The following CD68 variants were observed in gnomAD, a reference collection of about 807,000 sequenced individuals.
CD68 encodes the protein macrosialin.
A neutral mutation model predicts 31.3 loss-of-function variants in CD68; 24 were observed. The ratio of observed to expected loss-of-function variants is 0.77; its 90% CI spans 0.55 to 1.08. The LOEUF is 1.08. CD68 is among the 50% of genes least tolerant of loss of function. The pLI, the probability that CD68 is intolerant of heterozygous loss-of-function variation, is 0.00. For missense variants in CD68, 461 were observed against 442.5 expected, an observed-to-expected ratio of 1.04 and a Z score of -0.38; for synonymous variants, 190 against 179.6, an observed-to-expected ratio of 1.06 and a Z score of -0.46.
chr17:7,579,876 C>T lies in CD68; in HGVS notation c.116C>T (p.Thr39Ile), dbSNP rs1159772906. Reference sequence around the variant, plus strand: ...ACTTTGCTGCCATCCTTCACGGTGACACCCACGGTTACAGAGAGCACTGGA... The same window carrying T: ...ACTTTGCTGCCATCCTTCACGGTGATACCCACGGTTACAGAGAGCACTGGA... ...SATLLPSFTV[T>I]PTVTESTGTT... Residue 39 changes from threonine to isoleucine, a missense_variant, in exon 2 of 6, where the codon ACA becomes ATA. Coordinates refer to ENST00000250092, the MANE Select transcript of CD68 (RefSeq NM_001251.3). 3 of 1,613,922 alleles carry T rather than the reference C, an allele frequency of 1.9e-6. No individual in the cohort carries two copies. Among genetic ancestry groups the T allele is most frequent in the Admixed American group, 1.7e-5 (1 of 59,982 alleles).
chr17:7,579,764 G>GA, intron 1 of CD68, 38 bp downstream of exon 1: 1 of 1,603,202 alleles, frequency 6.2e-7, no homozygotes, highest in South Asian at 1.1e-5. Context: ...GGGCCCCTGG[G>GA]AGGGAGCCTG....
chr17:7,581,390 C>G lies in CD68; in HGVS notation c.944C>G (p.Pro315Arg). The G allele has an allele frequency of 1.9e-6, 3 of 1,614,160 alleles. No homozygotes were observed. Among genetic ancestry groups the G allele is most frequent in the Non-Finnish European group, 2.5e-6 (3 of 1,180,030 alleles). Residue 315 changes from proline to arginine, a missense_variant, in exon 6 of 6, where the codon CCC becomes CGC. Transcript: ENST00000250092. ...ATCCTTCCGCCAGGTTTCTCCTGCC[C>G]CAGTGACCGGTCCATCTTGCTGCCT... ...TGVFGQSFSC[P>R]SDRSILLPLI... is the part of the protein sequence containing the mutation.
Position 7,579,639 on chromosome 17 carries a change from C to T in CD68, c.-39C>T, listed in dbSNP as rs758679388. 33 of 1,587,528 alleles carry T rather than the reference C, an allele frequency of 2.1e-5. No homozygotes were observed. The highest frequency in any genetic ancestry group is 3.4e-6 in the Non-Finnish European group (4 of 1,167,322). On this transcript the variant is annotated 5_prime_UTR_variant, in exon 1 of 6. Transcript: ENST00000250092. ...AGGGAGCAGGGTTGAGCAACTGGTGCAGACAGCCTAGCTGGACTTTGGGTG... is the reference window on the plus strand; with the variant it reads ...AGGGAGCAGGGTTGAGCAACTGGTGTAGACAGCCTAGCTGGACTTTGGGTG...
In CD68 at chr17:7,580,067, G is replaced by A. The variant is rs2071463694; in HGVS notation, c.307G>A (p.Gly103Arg). 6 of 1,613,994 alleles carry A rather than the reference G, an allele frequency of 3.7e-6. No individual in the cohort carries two copies. The highest frequency in any genetic ancestry group is 5.1e-6 in the Non-Finnish European group (6 of 1,179,980). ...AAGCAATAGCACTGCCACCAGCCAG[G>A]GACCCTCAACTGCCACTCACAGTCC... ...PTSNSTATSQGPSTATHSPAT... is the reference protein window; with the variant it reads ...PTSNSTATSQRPSTATHSPAT... Residue 103 changes from glycine to arginine, a missense_variant, in exon 2 of 6, where the codon GGA becomes AGA. Coordinates refer to ENST00000250092, the MANE Select transcript of CD68 (RefSeq NM_001251.3). The surrounding 1 kb of genome is among the most constrained non-coding windows in gnomAD (Gnocchi z 4.3).
In CD68 at chr17:7,580,439, T is replaced by C. The variant is rs2071469303; in HGVS notation, c.568-27T>C. On this transcript the variant is annotated intron_variant, in intron 2 of 5. Coordinates refer to ENST00000250092, the MANE Select transcript of CD68 (RefSeq NM_001251.3). The surrounding 1 kb of genome is among the most constrained non-coding windows in gnomAD (Gnocchi z 4.3). The stretch of plus-strand genomic sequence containing the variant: ...TTGGCCGGCATCGCATGCAGTCTTG[T>C]GACCTTCCAGTCTTTAACTTCCGCA... 1.2e-6 allele frequency: 2 copies of C among 1,613,778 alleles called. No individual in the cohort carries two copies. The highest frequency in any genetic ancestry group is 8.5e-7 in the Non-Finnish European group (1 of 1,179,892).
chr17:7,581,274 C>T, intron 5 of CD68, 104 bp from the exon 6 acceptor site: 1 of 1,400,986 alleles, frequency 7.1e-7, no homozygotes, highest in Non-Finnish European at 1.0e-6. Context: ...GCGGTGAGCT[C>T]CTCACCAATC....
At position 7,579,980 on chromosome 17, in the gene CD68, C is replaced by A. The variant is rs777785825; in HGVS notation, c.220C>A (p.Pro74Thr). The A allele has an allele frequency of 6.2e-7, 1 of 1,609,004 alleles. No individual in the cohort carries two copies. The highest frequency in any genetic ancestry group is 8.5e-7 in the Non-Finnish European group (1 of 1,175,914). ...CACCACAGGCACCACCAGCCACGGA[C>A]CCACGACTGCCACTCACAACCCCAC... ...TTTTGTTSHG[P>T]TTATHNPTTT... Residue 74 changes from proline (P) to threonine (T), a missense_variant, in exon 2 of 6, where the codon CCC becomes ACC. Coordinates refer to ENST00000250092, the MANE Select transcript of CD68 (RefSeq NM_001251.3).
In CD68 at chr17:7,579,872, G is replaced by T. The variant is rs752942504; in HGVS notation, c.112G>T (p.Val38Leu). 3 of 1,613,838 alleles carry T rather than the reference G, an allele frequency of 1.9e-6. No individual in the cohort carries two copies. The highest frequency in any genetic ancestry group is 1.7e-6 in the Non-Finnish European group (2 of 1,179,988). Reference sequence around the variant, plus strand: ...AGCTACTTTGCTGCCATCCTTCACGGTGACACCCACGGTTACAGAGAGCAC... The same window carrying T: ...AGCTACTTTGCTGCCATCCTTCACGTTGACACCCACGGTTACAGAGAGCAC... ...KSATLLPSFT[V>L]TPTVTESTGT... is the part of the protein sequence containing the mutation. The change falls in exon 2 of 6, where the codon GTG becomes TTG. Residue 38 changes from valine (V) to leucine (L), a missense_variant. Physicochemically the swap from Val to Leu is conservative, Grantham distance 32. Transcript: ENST00000250092.
At position 7,580,071 on chromosome 17, in the gene CD68, C is replaced by A. The variant is rs1343936950; in HGVS notation, c.311C>A (p.Pro104His). The change falls in exon 2 of 6, where the codon CCC (proline) becomes CAC (histidine). Residue 104 changes from proline (P) to histidine (H), a missense_variant. Coordinates refer to ENST00000250092, the MANE Select transcript of CD68 (RefSeq NM_001251.3). This position sits in a 1 kb window ranked among gnomAD's most constrained non-coding sequence, Gnocchi z 4.3. ...AATAGCACTGCCACCAGCCAGGGAC[C>A]CTCAACTGCCACTCACAGTCCTGCC... ...TSNSTATSQGPSTATHSPATT... is the reference protein window; with the variant it reads ...TSNSTATSQGHSTATHSPATT... The A allele has an allele frequency of 6.2e-7, 1 of 1,613,976 alleles. No homozygotes were observed. Among genetic ancestry groups the A allele is most frequent in the East Asian group, 2.2e-5 (1 of 44,882 alleles).
rs2071461075 is a variant in CD68, at chr17:7,579,925, G to GAGCCACAAAACCACCACTCAC, written c.168_188dup (p.Ser56_His62dup). 4 of 1,613,852 alleles carry GAGCCACAAAACCACCACTCAC rather than the reference G, an allele frequency of 2.5e-6. No individual in the cohort carries two copies. Among genetic ancestry groups the GAGCCACAAAACCACCACTCAC allele is most frequent in the Admixed American group, 3.3e-5 (2 of 59,978 alleles). ...GAACAACCAGCCACAGGACTACCAA[G>GAGCCACAAAACCACCACTCAC]AGCCACAAAACCACCACTCACAGGA... On this transcript the variant is annotated inframe_insertion, in exon 2 of 6. Transcript: ENST00000250092.
In CD68 at chr17:7,580,828, G is replaced by C. The variant is rs1237570823; in HGVS notation, c.760+45G>C. 3.7e-6 allele frequency: 6 copies of C among 1,613,650 alleles called. No individual in the cohort carries two copies. Among genetic ancestry groups the C allele is most frequent in the East Asian group, 4.5e-5 (2 of 44,880 alleles). On this transcript the variant is annotated intron_variant, in intron 4 of 5. Coordinates refer to ENST00000250092, the MANE Select transcript of CD68 (RefSeq NM_001251.3). The surrounding 1 kb of genome is among the most constrained non-coding windows in gnomAD (Gnocchi z 4.3). ...TTCTCATTGCTACCACTAGACGCCA[G>C]GGTTCCTGAAAGGACTAAGCTGGGG... is the stretch of plus-strand genomic sequence containing the variant.
Position 7,580,110 on chromosome 17 carries a change from G to A in CD68, c.350G>A (p.Gly117Glu), listed in dbSNP as rs773508835. The A allele has an allele frequency of 1.9e-6, 3 of 1,614,070 alleles. No individual in the cohort carries two copies. In the South Asian group the frequency reaches 3.3e-5, roughly 18 times the overall value. The change falls in exon 2 of 6, where the codon GGA (glycine) becomes GAA (glutamate). Residue 117 changes from glycine (G) to glutamate (E), a missense_variant. Gly to Glu is a moderately conservative substitution (Grantham distance 98). Transcript: ENST00000250092. This position sits in a 1 kb window ranked among gnomAD's most constrained non-coding sequence, Gnocchi z 4.3. ...CACAGTCCTGCCACCACTAGTCATG[G>A]AAATGCCACGGTTCATCCAACAAGC... ...ATHSPATTSH[G>E]NATVHPTSNS...
In CD68 at chr17:7,580,784, G is replaced by C; in HGVS notation, c.760+1G>C. 6.2e-7 allele frequency: 1 copy of C among 1,614,036 alleles called. No homozygotes were observed. The highest frequency in any genetic ancestry group is 8.5e-7 in the Non-Finnish European group (1 of 1,179,980). ...AATGTGTCCTTCCCCCACGCAGCAC[G>C]TAAGTAACCTCCTTCCCTTTCTCAT... is the stretch of plus-strand genomic sequence containing the variant. On this transcript the variant is annotated splice_donor_variant, in intron 4 of 5. Coordinates refer to ENST00000250092, the MANE Select transcript of CD68 (RefSeq NM_001251.3). LOFTEE classifies it high-confidence loss of function. The surrounding 1 kb of genome is among the most constrained non-coding windows in gnomAD (Gnocchi z 4.3).
rs78180894 is a variant in CD68, at chr17:7,580,344, G to C, written c.567+17G>C. ...GGAGGAGAGGTAAAGCTAAAACTGG[G>C]GGATGAGAGGGGAGGGAGGCAGGAC... On this transcript the variant is annotated intron_variant, in intron 2 of 5. Transcript: ENST00000250092. The surrounding 1 kb of genome is among the most constrained non-coding windows in gnomAD (Gnocchi z 4.3). 0.059 allele frequency: 95,585 copies of C among 1,608,402 alleles called. 3,532 individuals are homozygous for C. Among genetic ancestry groups the C allele is most frequent in the Non-Finnish European group, 0.072 (85,211 of 1,175,950 alleles).
intron 5 of CD68, 141 bp from the exon 6 acceptor site, chr17:7,581,237 T>G: frequency 8.3e-7 from 1 of 1,204,732 alleles, no homozygotes; most frequent in Non-Finnish European, 1.2e-6. Context: ...TCTGCCAGTT[T>G]CCCCCTTTTA....
chr17:7,581,572 T>C lies in CD68; in HGVS notation c.*61T>C, dbSNP rs1310158022. 7 of 1,536,636 alleles carry C rather than the reference T, an allele frequency of 4.6e-6. No individual in the cohort carries two copies. In the African/African-American group the frequency reaches 5.5e-5, roughly 12 times the overall value. ...GGGGTGTGGTGGGGGGGTACCCTTA[T>C]TTCCTCGACACGCAACTGGCTCAAA... On this transcript the variant is annotated 3_prime_UTR_variant, in exon 6 of 6. Coordinates refer to ENST00000250092, the MANE Select transcript of CD68 (RefSeq NM_001251.3).
In CD68 at chr17:7,581,705, G is replaced by C; in HGVS notation, c.*194G>C. Reference sequence around the variant, plus strand: ...GGGAGGCTGAGGCAGGTGGATCACTGGAGGTCAGGAGTTTGAGACCAGCCT... The same window carrying C: ...GGGAGGCTGAGGCAGGTGGATCACTCGAGGTCAGGAGTTTGAGACCAGCCT... On this transcript the variant is annotated 3_prime_UTR_variant, in exon 6 of 6. Coordinates refer to ENST00000250092, the MANE Select transcript of CD68 (RefSeq NM_001251.3). 7.0e-6 allele frequency: 4 copies of C among 571,462 alleles called. No individual in the cohort carries two copies. The South Asian group carries it at 8.0e-5, about 11-fold the overall frequency. 35.4% of individuals were successfully genotyped at this position (571,462 alleles called of 1,614,324 possible). A position where few individuals can be genotyped will look rare whatever the true frequency, so the allele number is the denominator to read the frequency against.
Position 7,580,440 on chromosome 17 carries a change from G to C in CD68, c.568-26G>C. On this transcript the variant is annotated intron_variant, in intron 2 of 5. Coordinates refer to ENST00000250092, the MANE Select transcript of CD68 (RefSeq NM_001251.3). This position sits in a 1 kb window ranked among gnomAD's most constrained non-coding sequence, Gnocchi z 4.3. The stretch of plus-strand genomic sequence containing the variant: ...TGGCCGGCATCGCATGCAGTCTTGT[G>C]ACCTTCCAGTCTTTAACTTCCGCAG... 1 of 1,613,818 alleles carries C rather than the reference G, an allele frequency of 6.2e-7. No homozygotes were observed. The highest frequency in any genetic ancestry group is 8.5e-7 in the Non-Finnish European group (1 of 1,179,874).
chr17:7,580,216 C>G lies in CD68; in HGVS notation c.456C>G (p.Thr152=). The part of the protein sequence containing the change: ...PPPPSPSPSP[T]SKETIGDYTW... ...CACCCTCTCCGAGTCCTAGCCCAAC[C>G]TCCAAGGAGACCATTGGAGACTACA... Residue 152 remains threonine (T), a synonymous_variant, in exon 2 of 6, where the codon ACC becomes ACG. Transcript: ENST00000250092. This position sits in a 1 kb window ranked among gnomAD's most constrained non-coding sequence, Gnocchi z 4.3. 1 of 1,613,664 alleles carries G rather than the reference C, an allele frequency of 6.2e-7. No individual in the cohort carries two copies. Among genetic ancestry groups the G allele is most frequent in the Non-Finnish European group, 8.5e-7 (1 of 1,179,876 alleles).
Sources: gnomAD v4.1 joint callset for allele counts on GRCh38, gnomAD v4.1.1 for gene constraint, Gnocchi (gnomAD v3.1) non-coding constraint, MANE v1.5 for transcripts, NCBI Gene and HGNC (gene_info 2026-07-23, HGNC 2026-07-21) for gene names.